TCF4: variants seen among roughly 807,000 people sequenced by gnomAD.
TCF4 encodes the protein transcription factor 4.
In TCF4, 3 loss-of-function variants were observed where a neutral mutation model predicts 82.1. The ratio of observed to expected loss-of-function variants is 0.04; its 90% CI spans 0.02 to 0.09. TCF4 has a LOEUF of 0.09. Among genes scored for constraint, TCF4 ranks in the 10% least tolerant of loss-of-function variants. The probability of loss-of-function intolerance (pLI) is 1.00; values close to 1 mark genes in which losing one functional copy is unlikely to be tolerated. For synonymous variants in TCF4, 276 were observed against 309.6 expected, an observed-to-expected ratio of 0.89 and a Z score of 1.14; for missense variants, 518 against 852.7, an observed-to-expected ratio of 0.61 and a Z score of 4.89.
intron 8 of TCF4, chr18:55,302,483 A>G (rs1441986708): frequency 2.6e-6 from 4 of 1,536,152 alleles, no homozygotes; most frequent in Middle Eastern, 1.7e-4. Flanking sequence ...TTTAAATTTC[A>G]TCCTGTGGTG....
chr18:55,371,728 G>A (rs1470132561), intron 6 of TCF4, among the ~76,000 whole-genome samples: 3 of 152,084 alleles, frequency 2.0e-5, no homozygotes, highest in Non-Finnish European at 4.4e-5. Flanking sequence ...CCTCTCCCCA[G>A]GTTCCTCTGC....
chr18:55,557,103 G>A (rs538371352), intron 3 of TCF4, among the ~76,000 whole-genome samples: 10 of 152,190 alleles, frequency 6.6e-5, no homozygotes, highest in Admixed American at 2.0e-4. Flanking sequence ...AATTCATATC[G>A]GTATGTGTAA....
intron 8 of TCF4, among the ~76,000 whole-genome samples, chr18:55,324,659 T>C (rs906781749): frequency 6.6e-6 from 1 of 152,066 alleles, no homozygotes; most frequent in Non-Finnish European, 1.5e-5. Context: ...AGTAGGTAAC[T>C]TGGTTACCTA....
At chr18:55,587,319 T>C (rs1603624830) in intron 1 of TCF4, 183 bp from the exon 2 acceptor site, 1 of 197,180 alleles carries the variant, frequency 5.1e-6, no homozygotes, top group South Asian at 1.1e-4. Context: ...TTTTTTAAGA[T>C]GGAATAGGCA....
At chr18:55,322,734 CTG>C (rs1225410367) in intron 8 of TCF4, among the ~76,000 whole-genome samples, 1 of 152,254 alleles carries the variant, frequency 6.6e-6, no homozygotes, top group Non-Finnish European at 1.5e-5. Flanking sequence ...GTTCTCCACT[CTG>C]GAGTTGGGTG....
intron 5 of TCF4, among the ~76,000 whole-genome samples, chr18:55,438,687 G>A (rs1332966908): frequency 6.6e-6 from 1 of 152,130 alleles, no homozygotes; most frequent in Non-Finnish European, 1.5e-5. Flanking sequence ...TTTGGCCATG[G>A]GAACAAGGAC....
chr18:55,610,120 T>C (rs1300103626), intron 2 of TCF4, among the ~76,000 whole-genome samples: 1 of 152,202 alleles, frequency 6.6e-6, no homozygotes, highest in African/African-American at 2.4e-5. Flanking sequence ...AATGAGTGAA[T>C]GAATAGAACT....
intron 4 of TCF4, among the ~76,000 whole-genome samples, chr18:55,463,148 C>T (rs2095906428): frequency 6.6e-6 from 1 of 152,098 alleles, no homozygotes; most frequent in Non-Finnish European, 1.5e-5. Context: ...ACCATGTACA[C>T]GAAGTGTACT....
chr18:55,394,821 A>G (rs1477770261), intron 6 of TCF4, among the ~76,000 whole-genome samples: 1 of 152,236 alleles, frequency 6.6e-6, no homozygotes, highest in African/African-American at 2.4e-5. Context: ...GTGAAAGCAC[A>G]TGTAAACAAA....
At position 55,585,317 on chromosome 18, in the gene TCF4, T is replaced by A; in HGVS notation, c.108A>T (p.Gly36=). Residue 36 remains glycine (G), a synonymous_variant, in exon 3 of 20, where the codon GGA becomes GGT. Coordinates refer to ENST00000354452, the MANE Select transcript of TCF4 (RefSeq NM_001083962.2). The part of the protein sequence containing the change: ...FSPPVSSGKN[G]PTSLASGHFT... Reference sequence around the variant, plus strand: ...AATGTCCACTTGCCAAAGAAGTTGGTCCATTTTTCCCACTGCTCACAGGAG... The same window carrying A: ...AATGTCCACTTGCCAAAGAAGTTGGACCATTTTTCCCACTGCTCACAGGAG... The A allele has an allele frequency of 6.2e-7, 1 of 1,614,050 alleles. No homozygotes were observed. The highest frequency in any genetic ancestry group is 8.5e-7 in the Non-Finnish European group (1 of 1,179,960).
chr18:55,437,529 G>A (rs541877307), intron 5 of TCF4, among the ~76,000 whole-genome samples: 1 of 152,256 alleles, frequency 6.6e-6, no homozygotes, highest in South Asian at 2.1e-4. Flanking sequence ...CTAAGTAGGT[G>A]ATGATTCACT....
intron 6 of TCF4, among the ~76,000 whole-genome samples, chr18:55,393,950 T>C (rs1603442158): frequency 6.6e-6 from 1 of 152,222 alleles, no homozygotes; most frequent in African/African-American, 2.4e-5. Flanking sequence ...CATATGCCTA[T>C]AATACTGCAA....
At chr18:55,597,156 G>A (rs1375204938) in intron 2 of TCF4, among the ~76,000 whole-genome samples, 1 of 152,130 alleles carries the variant, frequency 6.6e-6, no homozygotes, top group Non-Finnish European at 1.5e-5. Context: ...TGTACAGCCT[G>A]TGGAACTGTG....
chr18:55,587,918 C>G (rs1365282961), intron 1 of TCF4, 120 bp downstream of exon 1: 1 of 848,034 alleles, frequency 1.2e-6, no homozygotes, highest in Non-Finnish European at 1.4e-6. Context: ...CTTCTGGGAG[C>G]GCCGGGCGCC....
chr18:55,585,504 G>T, intron 2 of TCF4, 152 bp from the exon 3 acceptor site: 2 of 769,396 alleles, frequency 2.6e-6, no homozygotes, highest in Non-Finnish European at 4.3e-6. Context: ...AAAACTAAAA[G>T]AGAAACAACA....
At chr18:55,593,483 C>CA (rs1403894223), upstream of TCF4, among the ~76,000 whole-genome samples, 2 of 151,854 alleles carry the variant, frequency 1.3e-5, no homozygotes, top group Non-Finnish European at 2.9e-5. Context: ...GATTCATAGA[C>CA]AAAAAACATT....
chr18:55,500,263 C>G (rs527332828), intron 3 of TCF4, among the ~76,000 whole-genome samples: 1 of 152,328 alleles, frequency 6.6e-6, no homozygotes, highest in South Asian at 2.1e-4. Flanking sequence ...GAAGCTCTTA[C>G]CCCTAACTCG....
chr18:55,429,618 G>A (rs938429891), intron 5 of TCF4, among the ~76,000 whole-genome samples: 20 of 151,820 alleles, frequency 1.3e-4, no homozygotes, highest in African/African-American at 2.9e-4. Flanking sequence ...AAAATTAGCC[G>A]GGCATGGTGG....
rs750408686 is a variant in TCF4, at chr18:55,269,862, C to T, written c.891G>A (p.Thr297=). ...TACTGTCTGTCCCGTTGGCAGGAGG[C>T]GTACAGGAAGAGGTGCTGTAATGGT... The part of the protein sequence containing the change: ...GTNHYSTSSC[T]PPANGTDSIM... Residue 297 remains threonine (T), a synonymous_variant, in exon 11 of 20, where the codon ACG becomes ACA. Transcript: ENST00000354452. 9.3e-6 allele frequency: 15 copies of T among 1,613,092 alleles called. No homozygotes were observed. The East Asian group carries it at 1.3e-4, about 14-fold the overall frequency.
Sources: gnomAD v4.1 joint callset for allele counts (sites outside exome capture counted in the v4.1 genomes callset) on GRCh38, gnomAD v4.1.1 for gene constraint, MANE v1.5 for transcripts, NCBI Gene and HGNC (gene_info 2026-07-23, HGNC 2026-07-21) for gene names.